EPRS1: variants seen among roughly 807,000 people sequenced by gnomAD.
EPRS1 encodes the protein bifunctional glutamate/proline--tRNA ligase.
A neutral mutation model predicts 188.3 loss-of-function variants in EPRS1; 107 were observed. The ratio of observed to expected loss-of-function variants is 0.57; its 90% CI spans 0.49 to 0.67. The LOEUF (loss-of-function observed/expected upper bound fraction) is 0.67. Ranked by LOEUF, EPRS1 falls within the 30% of genes least tolerant of loss-of-function variation. EPRS1 has a pLI of 0.00. For synonymous variants in EPRS1, 596 were observed against 593.1 expected (o/e 1.00, Z -0.07); for missense variants, 1,577 against 1,802.2 (o/e 0.88, Z 2.26).
At chr1:220,007,540 C>T (rs1661515082) in intron 13 of EPRS1, among the ~76,000 whole-genome samples, 1 of 152,192 alleles carries the variant, frequency 6.6e-6, no homozygotes, top group Non-Finnish European at 1.5e-5. Context: ...ATTCCCAATT[C>T]TGTTCTTAGC....
intron 4 of EPRS1, 80 bp downstream of exon 4, chr1:220,033,422 T>C (rs948915246): frequency 9.5e-7 from 1 of 1,054,492 alleles, no homozygotes; most frequent in East Asian, 2.4e-5. Flanking sequence ...CATACATGCA[T>C]ACACACAGAA....
intron 28 of EPRS1, among the ~76,000 whole-genome samples, chr1:219,976,126 G>A (rs1660776360): frequency 6.6e-6 from 1 of 152,094 alleles, no homozygotes; most frequent in Non-Finnish European, 1.5e-5. Flanking sequence ...GGATCCTAAT[G>A]GTCAAGCCGA....
At chr1:219,996,597 G>T (rs1558049529) in intron 18 of EPRS1, among the ~76,000 whole-genome samples, 1 of 152,194 alleles carries the variant, frequency 6.6e-6, no homozygotes. Flanking sequence ...CTTAAAGAGT[G>T]CCTTGTTGTG....
chr1:220,005,236 A>G lies in EPRS1; in HGVS notation c.2063+12T>C, dbSNP rs1314878723. ...AGCATTTTCATTTAGACGTTCAGTT[A>G]CATTTACTTACCTAACAGGTTCATA... On this transcript the variant is annotated intron_variant, in intron 16 of 31. Transcript: ENST00000366923. 1 of 1,218,946 alleles carries G rather than the reference A, an allele frequency of 8.2e-7. No homozygotes were observed. Among genetic ancestry groups the G allele is most frequent in the South Asian group, 1.5e-5 (1 of 66,512 alleles). The allele number at this position is 1,218,946 out of a possible 1,614,324, so 75.5% of individuals were successfully genotyped here.
chr1:220,006,358 T>C (rs1558052938), intron 14 of EPRS1, 45 bp from the exon 15 acceptor site: 2 of 714,396 alleles, frequency 2.8e-6, no homozygotes, highest in Non-Finnish European at 4.3e-6. Context: ...TAACCACAGC[T>C]GCCATAAATT....
intron 26 of EPRS1, 30 bp downstream of exon 26, chr1:219,980,055 A>G (rs1660865714): frequency 1.2e-6 from 2 of 1,601,832 alleles, no homozygotes; most frequent in South Asian, 1.1e-5. Flanking sequence ...GCTTACAGTG[A>G]CCTACGAATC....
chr1:220,002,436 C>G (rs1167926585), intron 16 of EPRS1, among the ~76,000 whole-genome samples: 1 of 152,116 alleles, frequency 6.6e-6, no homozygotes. Flanking sequence ...AAAATTATAT[C>G]TGCTATGCCT....
rs1661343173 is a variant in EPRS1 at position 220,001,165 on chromosome 1, C to T, written c.2154G>A (p.Lys718=). Reference sequence around the variant, plus strand: ...CATTTTTTGTGGCTTCTACTTTGGTCTTTTCCTTTGACCCTGATGTTGGCA... The same window carrying T: ...CATTTTTTGTGGCTTCTACTTTGGTTTTTTCCTTTGACCCTGATGTTGGCA... ...KEMPTSGSKE[K]TKVEATKNET... The change falls in exon 17 of 32, where the codon AAG becomes AAA. Residue 718 remains lysine (K), a synonymous_variant. Coordinates refer to ENST00000366923, the MANE Select transcript of EPRS1 (RefSeq NM_004446.3). 6.2e-7 allele frequency: 1 copy of T among 1,613,038 alleles called. No homozygotes were observed. Among genetic ancestry groups the T allele is most frequent in the Non-Finnish European group, 8.5e-7 (1 of 1,179,190 alleles).
At chr1:220,028,666 A>T (rs1178607865) in intron 6 of EPRS1, among the ~76,000 whole-genome samples, 3 of 152,176 alleles carry the variant, frequency 2.0e-5, no homozygotes, top group African/African-American at 7.2e-5. Flanking sequence ...AACAGAGATA[A>T]CAACAGTGCC....
rs1442224285 is a variant in EPRS1, at chr1:219,988,739, G to A, written c.2626C>T (p.Gln876Ter). 1 of 1,613,824 alleles carries A rather than the reference G, an allele frequency of 6.2e-7. No individual in the cohort carries two copies. The part of the protein sequence containing the change: ...EKTGKEYIPG[Q>*]PPLSQSSDSS... ...TCCGAACTTTGAGATAATGGGGGCTGACCAGGTATGTACTCCTTCCCAGTT... is the reference window on the plus strand; with the variant it reads ...TCCGAACTTTGAGATAATGGGGGCTAACCAGGTATGTACTCCTTCCCAGTT... Residue 876 changes from glutamine to a stop codon, truncating the protein, a stop_gained, in exon 19 of 32, where the codon CAG (glutamine) becomes TAG (stop). Coordinates refer to ENST00000366923, the MANE Select transcript of EPRS1 (RefSeq NM_004446.3). LOFTEE classifies it high-confidence loss of function.
At chr1:220,034,860 T>TA (rs1285398517) in intron 3 of EPRS1, 54 bp downstream of exon 3, 8 of 988,560 alleles carry the variant, frequency 8.1e-6, no homozygotes, top group African/African-American at 4.8e-5. Flanking sequence ...GAGGTTCCCA[T>TA]AAAAAAACAG....
At chr1:220,011,808 T>C (rs1003378810) in intron 12 of EPRS1, among the ~76,000 whole-genome samples, 1 of 152,200 alleles carries the variant, frequency 6.6e-6, no homozygotes, top group African/African-American at 2.4e-5. Flanking sequence ...CACTGTTCAG[T>C]GTAAAATTAG....
At chr1:220,038,448 T>C (rs1432755213) in intron 2 of EPRS1, among the ~76,000 whole-genome samples, 3 of 136,428 alleles carry the variant, frequency 2.2e-5, no homozygotes, top group Non-Finnish European at 4.6e-5. Context: ...TGGAGTGCAG[T>C]GGTGCGATCC....
At chr1:220,000,888 T>C (rs1306064556) in intron 17 of EPRS1, among the ~76,000 whole-genome samples, 1 of 152,002 alleles carries the variant, frequency 6.6e-6, no homozygotes, top group Middle Eastern at 3.2e-3. Context: ...GGCTGAGGCA[T>C]GAGAATTGCT....
intron 18 of EPRS1, among the ~76,000 whole-genome samples, chr1:219,995,329 T>G (rs1283200615): frequency 6.6e-6 from 1 of 152,220 alleles, no homozygotes; most frequent in African/African-American, 2.4e-5. Flanking sequence ...GTTGCTTCTG[T>G]TACTATTCCA....
rs764059450 is a variant in EPRS1 at position 219,997,045 on chromosome 1, A to T, written c.2479T>A (p.Tyr827Asn). The T allele has an allele frequency of 5.6e-6, 9 of 1,613,544 alleles. No individual in the cohort carries two copies. Among genetic ancestry groups the T allele is most frequent in the Middle Eastern group, 1.6e-4 (1 of 6,082 alleles). The change falls in exon 18 of 32, where the codon TAT becomes AAT. Residue 827 changes from tyrosine to asparagine, a missense_variant. By Grantham distance (143) the Tyr-to-Asn change is moderately radical. This residue lies in a region of EPRS1 where 1,278 missense variants were observed against 1,457.4 expected (regional missense o/e 0.88). Transcript: ENST00000366923. ...TCCCCTTGTGCAGCAACTTCATCAT[A>T]CAGAGATTTACTTTCCAGAATACTT... ...SASILESKSLYDEVAAQGEVV... is the reference protein window; with the variant it reads ...SASILESKSLNDEVAAQGEVV...
chr1:219,984,790 C>A (rs1466582915), intron 20 of EPRS1, among the ~76,000 whole-genome samples: 7 of 152,096 alleles, frequency 4.6e-5, no homozygotes, highest in Admixed American at 4.6e-4. Context: ...CGCCTGTAAT[C>A]CCACCACTTT....
intron 30 of EPRS1, among the ~76,000 whole-genome samples, chr1:219,970,630 T>C (rs961629337): frequency 9.9e-5 from 15 of 151,756 alleles, no homozygotes; most frequent in Admixed American, 3.3e-4. Flanking sequence ...ATACAAAAAT[T>C]AGCTGCGTGT....
chr1:220,009,442 CTT>C (rs2102582482), intron 13 of EPRS1, among the ~76,000 whole-genome samples: 1 of 152,254 alleles, frequency 6.6e-6, no homozygotes, highest in Admixed American at 6.5e-5. Flanking sequence ...TAAAACAACT[CTT>C]TTACCAGCCT....
Sources: allele counts gnomAD v4.1 joint callset (sites outside exome capture counted in the v4.1 genomes callset), GRCh38; gene constraint gnomAD v4.1.1; regional missense constraint gnomAD v4.1.1; transcripts MANE v1.5; gene names NCBI Gene and HGNC (gene_info 2026-07-23, HGNC 2026-07-21).